The following KCNQ5 variants were observed in gnomAD, a reference collection of about 807,000 sequenced individuals.
The protein encoded by KCNQ5 is potassium voltage-gated channel subfamily KQT member 5.
A neutral mutation model predicts 98.2 loss-of-function variants in KCNQ5; 30 were observed. The ratio of observed to expected loss-of-function variants is 0.31; its 90% CI spans 0.23 to 0.41. KCNQ5 has a LOEUF of 0.41. Ranked by LOEUF, KCNQ5 falls within the 10% of genes least tolerant of loss-of-function variation. The pLI, the probability that KCNQ5 is intolerant of heterozygous loss-of-function variation, is 1.00. For synonymous variants in KCNQ5, 458 were observed against 449.4 expected (o/e 1.02, Z -0.24); for missense variants, 835 against 1,182.5 (o/e 0.71, Z 4.31).
intron 1 of KCNQ5, among the ~76,000 whole-genome samples, chr6:72,995,309 A>G (rs1276887295): frequency 6.6e-6 from 1 of 150,410 alleles, no homozygotes; most frequent in Non-Finnish European, 1.5e-5. Context: ...TGGACTTTGC[A>G]GTGAGCTGAG....
intron 1 of KCNQ5, among the ~76,000 whole-genome samples, chr6:72,742,311 G>T: frequency 6.6e-6 from 1 of 152,206 alleles, no homozygotes; most frequent in East Asian, 1.9e-4. Context: ...TTAATGCAGT[G>T]AAACTTTCCT....
intron 2 of KCNQ5, among the ~76,000 whole-genome samples, chr6:73,004,599 GAA>G (rs1022209878): frequency 1.9e-4 from 29 of 152,112 alleles, no homozygotes; most frequent in African/African-American, 6.8e-4. Flanking sequence ...CTTTAAAATG[GAA>G]AAAGACCCCA....
Position 72,704,849 on chromosome 6 carries a change from T to C in KCNQ5, c.398+82262T>C, listed in dbSNP as rs78963784. ...AAAGATAATTATAATGCTATTGCAT[T>C]AAATGTATAAGTTGTTTACAGAGAA... On this transcript the variant is annotated intron_variant, in intron 1 of 13. Coordinates refer to ENST00000370398, the MANE Select transcript of KCNQ5 (RefSeq NM_019842.4). Among the ~76,000 whole-genome samples the C allele has an allele frequency of 8.5e-4, 130 of 152,334 alleles. 1 individual carries two copies. The highest frequency in any genetic ancestry group is 3.0e-3 in the African/African-American group (124 of 41,590).
chr6:73,028,639 T>C (rs76535776), intron 2 of KCNQ5, among the ~76,000 whole-genome samples: 12,231 of 152,270 alleles, frequency 0.08, 545 homozygotes, highest in East Asian at 0.21. Context: ...AGAAGTGCAC[T>C]TTCTCTCTCC....
At chr6:72,863,489 G>T (rs947284129) in intron 1 of KCNQ5, among the ~76,000 whole-genome samples, 59 of 152,046 alleles carry the variant, frequency 3.9e-4, no homozygotes, top group African/African-American at 1.4e-3. Flanking sequence ...AATATTTTTT[G>T]CCATTACACA....
chr6:72,877,658 T>G (rs1028298050), intron 1 of KCNQ5, among the ~76,000 whole-genome samples: 3 of 152,226 alleles, frequency 2.0e-5, no homozygotes, highest in Non-Finnish European at 4.4e-5. Context: ...TCCACAATAG[T>G]TGAACTAATT....
chr6:73,140,199 C>A (rs76488614), intron 10 of KCNQ5, among the ~76,000 whole-genome samples: 9,909 of 151,734 alleles, frequency 0.065, 458 homozygotes, highest in African/African-American at 0.13. Context: ...TCAGTATTTT[C>A]TATTTGACTA....
chr6:72,942,084 T>G (rs1279069600), intron 1 of KCNQ5, among the ~76,000 whole-genome samples: 1 of 152,108 alleles, frequency 6.6e-6, no homozygotes, highest in Non-Finnish European at 1.5e-5. Flanking sequence ...GAGCTGCCAT[T>G]TTAAGAATGT....
At chr6:73,000,589 C>T (rs1769522816) in intron 1 of KCNQ5, among the ~76,000 whole-genome samples, 1 of 152,172 alleles carries the variant, frequency 6.6e-6, no homozygotes, top group Non-Finnish European at 1.5e-5. Context: ...CTCCTTCTGA[C>T]TTTGACTTTT....
chr6:72,856,337 GA>G, intron 1 of KCNQ5, among the ~76,000 whole-genome samples: 1 of 140,730 alleles, frequency 7.1e-6, no homozygotes, highest in East Asian at 2.7e-4. Flanking sequence ...TCTTAGATAA[GA>G]GTTTTTTTTT....
intron 3 of KCNQ5, among the ~76,000 whole-genome samples, chr6:73,050,773 A>G (rs1443729455): frequency 2.6e-5 from 4 of 152,170 alleles, no homozygotes; most frequent in Non-Finnish European, 5.9e-5. Flanking sequence ...GGGAACCACT[A>G]TATCTGTTCT....
intron 7 of KCNQ5, among the ~76,000 whole-genome samples, chr6:73,113,242 T>C (rs1775328209): frequency 6.6e-6 from 1 of 152,244 alleles, no homozygotes; most frequent in Admixed American, 6.5e-5. Flanking sequence ...TCCTTCACTC[T>C]AGAACAACGT....
At chr6:73,009,215 C>T (rs142761566) in intron 2 of KCNQ5, among the ~76,000 whole-genome samples, 79 of 152,206 alleles carry the variant, frequency 5.2e-4, no homozygotes, top group African/African-American at 1.7e-3. Context: ...TGGTCTTGAA[C>T]TCCTGACCTC....
Position 73,138,368 on chromosome 6 carries a change from C to T in KCNQ5, c.1468+4727C>T, listed in dbSNP as rs111334908. Among the ~76,000 whole-genome samples the T allele has an allele frequency of 2.6e-3, 391 of 152,214 alleles. 1 individual carries two copies. Among genetic ancestry groups the T allele is most frequent in the African/African-American group, 9.1e-3 (379 of 41,534 alleles). ...CGGATTTCTGGTGACTAGTTTGCTA[C>T]GAAGGAGTCCTACACTTACTGAACC... On this transcript the variant is annotated intron_variant, in intron 10 of 13. Coordinates refer to ENST00000370398, the MANE Select transcript of KCNQ5 (RefSeq NM_019842.4).
At chr6:72,915,153 A>G (rs1331249441) in intron 1 of KCNQ5, among the ~76,000 whole-genome samples, 1 of 152,228 alleles carries the variant, frequency 6.6e-6, no homozygotes, top group Non-Finnish European at 1.5e-5. Context: ...TTTTAGCAAA[A>G]AGTAAAAAAT....
At chr6:72,784,845 A>G (rs1223611132) in intron 1 of KCNQ5, among the ~76,000 whole-genome samples, 1 of 152,226 alleles carries the variant, frequency 6.6e-6, no homozygotes, top group Admixed American at 6.5e-5. Flanking sequence ...GGAATTCACT[A>G]TTCTAGCCTC....
chr6:72,715,237 T>C (rs77912034), intron 1 of KCNQ5, among the ~76,000 whole-genome samples: 2,036 of 152,278 alleles, frequency 0.013, 34 homozygotes, highest in African/African-American at 0.042. Context: ...TGAGGAGTAA[T>C]TCCAGTCCCT....
At chr6:73,086,371 C>T (rs545164744) in intron 5 of KCNQ5, among the ~76,000 whole-genome samples, 75 of 152,256 alleles carry the variant, frequency 4.9e-4, no homozygotes, top group Admixed American at 5.2e-4. Context: ...ACTGTGGAAG[C>T]GCTGTCCTTT....
At chr6:72,788,178 T>C (rs1224874666) in intron 1 of KCNQ5, among the ~76,000 whole-genome samples, 1 of 152,200 alleles carries the variant, frequency 6.6e-6, no homozygotes, top group African/African-American at 2.4e-5. Context: ...TTGTAGACTA[T>C]GTATTGTGAG....
Sources: gnomAD v4.1 joint callset for allele counts (sites outside exome capture counted in the v4.1 genomes callset) on GRCh38, gnomAD v4.1.1 for gene constraint, MANE v1.5 for transcripts, NCBI Gene and HGNC (gene_info 2026-07-23, HGNC 2026-07-21) for gene names.